The following STON2 variants were observed in gnomAD, a reference collection of about 807,000 sequenced individuals.
STON2 encodes stonin-2.
Under a neutral mutation model 65.7 loss-of-function variants are expected in STON2, and 29 were observed. The ratio of observed to expected loss-of-function variants is 0.44; its 90% CI spans 0.33 to 0.60. The LOEUF is 0.60. Among genes scored for constraint, STON2 ranks in the 20% least tolerant of loss-of-function variants. The pLI is 0.03. For missense variants in STON2, 1,054 were observed against 1,118.1 expected (o/e 0.94, Z 0.82); for synonymous variants, 404 against 414.2 (o/e 0.98, Z 0.30).
At chr14:81,316,746 CG>C in intron 5 of STON2, among the ~76,000 whole-genome samples, 1 of 152,282 alleles carries the variant, frequency 6.6e-6, no homozygotes, top group Non-Finnish European at 1.5e-5. Context: ...TTTGGCCGGG[CG>C]TGGTGGCTCA....
chr14:81,273,846 G>C (rs1894698510), intron 6 of STON2, among the ~76,000 whole-genome samples: 1 of 152,200 alleles, frequency 6.6e-6, no homozygotes, highest in African/African-American at 2.4e-5. Flanking sequence ...AGGAACGTGT[G>C]AGGAGAAGTA....
At chr14:81,294,437 C>G (rs891514029) in intron 5 of STON2, among the ~76,000 whole-genome samples, 4 of 152,150 alleles carry the variant, frequency 2.6e-5, no homozygotes, top group Admixed American at 2.6e-4. Flanking sequence ...CATGCTGGTT[C>G]ATCTCTTGGC....
In STON2 at chr14:81,371,135, C is replaced by T; in HGVS notation, c.424G>A (p.Gly142Arg). 2 of 1,614,136 alleles carry T rather than the reference C, an allele frequency of 1.2e-6. No homozygotes were observed. Residue 142 changes from glycine to arginine, a missense_variant, in exon 4 of 8, where the codon GGG (glycine) becomes AGG (arginine). Gly to Arg is a moderately radical substitution (Grantham distance 125). Coordinates refer to ENST00000614646, the MANE Select transcript of STON2 (RefSeq NM_001394390.1). ...CTCTCAGAAGTCAGAGGGCATCTCCCCAGGGAGTCAAAGGAAGGGCATGTC... is the reference window on the plus strand; with the variant it reads ...CTCTCAGAAGTCAGAGGGCATCTCCTCAGGGAGTCAAAGGAAGGGCATGTC... ...CWTCPSFDSL[G>R]RCPLTSESSW...
At chr14:81,427,110 G>C (rs933501583) in exon 2 of STON2, 1 of 152,130 alleles carries the variant, frequency 6.6e-6, no homozygotes, top group Non-Finnish European at 1.5e-5. Context: ...ACCTGAAACC[G>C]CACAATTCAA....
chr14:81,339,056 G>A (rs1017148320), intron 4 of STON2, among the ~76,000 whole-genome samples: 1 of 151,990 alleles, frequency 6.6e-6, no homozygotes, highest in African/African-American at 2.4e-5. Context: ...TCGATAGAGG[G>A]AAGTGGTGGC....
At chr14:81,269,561 C>T in intron 7 of STON2, 1 of 985,368 alleles carries the variant, frequency 1.0e-6, no homozygotes, top group Non-Finnish European at 1.2e-6. Flanking sequence ...AATGATTCAA[C>T]ACACAACAGT....
chr14:81,270,793 G>T lies in STON2; in HGVS notation c.2661C>A (p.His887Gln). 2 of 1,614,148 alleles carry T rather than the reference G, an allele frequency of 1.2e-6. No individual in the cohort carries two copies. The highest frequency in any genetic ancestry group is 1.7e-6 in the Non-Finnish European group (2 of 1,180,038). ...DREVPSRFAN[H>Q]VNVEFSMPTT... ...TGGGCATGCTGAACTCGACATTCAC[G>T]TGATTGGCAAATCTGGAAGGCACTT... The change falls in exon 7 of 8, where the codon CAC becomes CAA. Residue 887 changes from histidine to glutamine, a missense_variant. By Grantham distance (24) the His-to-Gln change is conservative (BLOSUM62 0). Coordinates refer to ENST00000614646, the MANE Select transcript of STON2 (RefSeq NM_001394390.1).
At position 81,381,695 on chromosome 14, in the gene STON2, A is replaced by T. The variant is rs1488592585; in HGVS notation, c.374-10510T>A. Among the ~76,000 whole-genome samples the T allele has an allele frequency of 2.0e-5, 3 of 152,194 alleles. No homozygotes were observed. In the East Asian group the frequency reaches 5.8e-4, roughly 29 times the overall value. The stretch of plus-strand genomic sequence containing the variant: ...ATCCTAAGTGCAGCTGAGGAAATGG[A>T]GCCACAGTGTCTTTCATGTACAGCT... On this transcript the variant is annotated intron_variant, in intron 3 of 7. Coordinates refer to ENST00000614646, the MANE Select transcript of STON2 (RefSeq NM_001394390.1).
chr14:81,375,584 C>A (rs1899214412), intron 3 of STON2, among the ~76,000 whole-genome samples: 1 of 151,870 alleles, frequency 6.6e-6, no homozygotes, highest in Non-Finnish European at 1.5e-5. Flanking sequence ...TGTCCATCAT[C>A]ATAATGGAAG....
At chr14:81,351,749 T>C (rs1898033609) in intron 4 of STON2, among the ~76,000 whole-genome samples, 1 of 152,208 alleles carries the variant, frequency 6.6e-6, no homozygotes, top group Non-Finnish European at 1.5e-5. Flanking sequence ...CAGGCCACCA[T>C]CTATCTTGTC....
chr14:81,305,385 T>C (rs146522623), intron 5 of STON2, among the ~76,000 whole-genome samples: 1 of 152,354 alleles, frequency 6.6e-6, no homozygotes, highest in Non-Finnish European at 1.5e-5. Context: ...CTGCCTGTTA[T>C]TTTCATTTGA....
chr14:81,394,430 G>C (rs1900219468), intron 3 of STON2, among the ~76,000 whole-genome samples: 1 of 151,920 alleles, frequency 6.6e-6, no homozygotes, highest in African/African-American at 2.4e-5. Flanking sequence ...AGGTCTCTGT[G>C]GTAGACAGAA....
chr14:81,423,533 C>T (rs574644468), intron 2 of STON2, among the ~76,000 whole-genome samples: 4 of 152,192 alleles, frequency 2.6e-5, no homozygotes, highest in African/African-American at 7.2e-5. Flanking sequence ...AAGCCAGGCA[C>T]TGTGGCTTCT....
chr14:81,278,904 A>G, intron 5 of STON2, 165 bp from the exon 6 acceptor site: 2 of 512,200 alleles, frequency 3.9e-6, no homozygotes, highest in Non-Finnish European at 6.6e-6. Flanking sequence ...AGATCTCACA[A>G]TTCTGTAATG....
intron 4 of STON2, among the ~76,000 whole-genome samples, chr14:81,354,222 G>C (rs955628016): frequency 6.6e-6 from 1 of 152,198 alleles, no homozygotes; most frequent in South Asian, 2.1e-4. Flanking sequence ...AGGTCAGCCA[G>C]TGGTCTTACC....
At chr14:81,338,595 T>C (rs993084087) in intron 4 of STON2, among the ~76,000 whole-genome samples, 1 of 152,192 alleles carries the variant, frequency 6.6e-6, no homozygotes, top group African/African-American at 2.4e-5. Flanking sequence ...ATCTGGTCGA[T>C]CAGAAGTATA....
chr14:81,375,169 A>G (rs979731102), intron 3 of STON2, among the ~76,000 whole-genome samples: 10 of 152,274 alleles, frequency 6.6e-5, no homozygotes, highest in African/African-American at 2.4e-4. Flanking sequence ...AACAAAAACT[A>G]TAAATATCCT....
At chr14:81,310,353 C>G (rs1896374293) in intron 5 of STON2, among the ~76,000 whole-genome samples, 1 of 152,136 alleles carries the variant, frequency 6.6e-6, no homozygotes, top group Admixed American at 6.5e-5. Flanking sequence ...TTCTCTTGCA[C>G]AGAACAGTAA....
chr14:81,270,020 T>C, intron 7 of STON2: 1 of 984,524 alleles, frequency 1.0e-6, no homozygotes, highest in African/African-American at 1.7e-5. Flanking sequence ...CTCCCCTCCA[T>C]TTCCAAGCTC....
Sources: gnomAD v4.1 joint callset for allele counts (sites outside exome capture counted in the v4.1 genomes callset) on GRCh38, gnomAD v4.1.1 for gene constraint, MANE v1.5 for transcripts, NCBI Gene and HGNC (gene_info 2026-07-23, HGNC 2026-07-21) for gene names.